PBK: variants seen among roughly 807,000 people sequenced by gnomAD.
The protein encoded by PBK is PDZ binding kinase.
PBK carries 22 observed loss-of-function variants against 33.5 expected under a neutral mutation model. That is an observed-to-expected ratio of 0.66 (90% CI 0.47 to 0.94). The LOEUF (loss-of-function observed/expected upper bound fraction) is 0.94. PBK is among the 40% of genes least tolerant of loss of function. PBK has a pLI of 0.00. For synonymous variants in PBK, 129 were observed against 123.8 expected (o/e 1.04, Z -0.28); for missense variants, 376 against 383.4 (o/e 0.98, Z 0.16).
At chr8:27,825,714 C>T (rs543414981) in intron 3 of PBK, among the ~76,000 whole-genome samples, 1 of 152,240 alleles carries the variant, frequency 6.6e-6, no homozygotes, top group East Asian at 1.9e-4. Context: ...ACATTTCTAG[C>T]ACTCCAAGAG....
At chr8:27,835,518 G>C (rs1441551092) in intron 1 of PBK, among the ~76,000 whole-genome samples, 7 of 151,738 alleles carry the variant, frequency 4.6e-5, no homozygotes, top group Non-Finnish European at 8.8e-5. Flanking sequence ...TTCCCCATGG[G>C]ATGCTGTGAT....
chr8:27,827,989 G>C (rs775007824), intron 3 of PBK, 116 bp downstream of exon 3: 5 of 572,926 alleles, frequency 8.7e-6, no homozygotes, highest in African/African-American at 3.8e-5. Context: ...CATCAGCCAG[G>C]ATCAGGAGCA....
chr8:27,822,521 T>C (rs748961466), intron 4 of PBK, 33 bp from the exon 5 acceptor site: 2 of 1,458,284 alleles, frequency 1.4e-6, no homozygotes, highest in East Asian at 4.6e-5. Flanking sequence ...TTCACTAATA[T>C]AGAGAAGAAC....
chr8:27,836,558 G>A (rs1282556552), intron 1 of PBK, among the ~76,000 whole-genome samples: 2 of 151,830 alleles, frequency 1.3e-5, no homozygotes, highest in East Asian at 1.9e-4. Flanking sequence ...GAAGAGGGGT[G>A]AGCCCTAGGG....
At chr8:27,821,157 A>C (rs1045006941) in intron 5 of PBK, among the ~76,000 whole-genome samples, 2 of 152,050 alleles carry the variant, frequency 1.3e-5, no homozygotes, top group Non-Finnish European at 2.9e-5. Flanking sequence ...AGAGAAGGGA[A>C]CATCCCATGT....
chr8:27,814,160 A>C (rs956159695), intron 6 of PBK, among the ~76,000 whole-genome samples: 2 of 152,196 alleles, frequency 1.3e-5, no homozygotes, highest in Non-Finnish European at 2.9e-5. Context: ...TATTTGGTAG[A>C]AATCAACAGT....
intron 1 of PBK, among the ~76,000 whole-genome samples, chr8:27,834,067 G>A (rs183481612): frequency 9.0e-5 from 13 of 144,148 alleles, no homozygotes; most frequent in Admixed American, 7.9e-4. Flanking sequence ...TCACTCTGTC[G>A]CCCAGGCTGG....
At position 27,823,141 on chromosome 8, in the gene PBK, G is replaced by C; in HGVS notation, c.217C>G (p.His73Asp). The change falls in exon 4 of 8, where the codon CAT becomes GAT. Residue 73 changes from histidine (H) to aspartate (D), a missense_variant. Physicochemically the swap from His to Asp is moderately conservative, Grantham distance 81. Coordinates refer to ENST00000301905, the MANE Select transcript of PBK (RefSeq NM_018492.4). ...VKKINPICND[H>D]YRSVYQKRLM... ...CTCTTTTGATACACACTTCGATAATGATCATTACATATAGGATTAATCTTT... is the reference window on the plus strand; with the variant it reads ...CTCTTTTGATACACACTTCGATAATCATCATTACATATAGGATTAATCTTT... The C allele has an allele frequency of 6.4e-7, 1 of 1,553,772 alleles. No individual in the cohort carries two copies. The highest frequency in any genetic ancestry group is 1.1e-5 in the South Asian group (1 of 89,096).
chr8:27,819,098 G>T (rs893465474), intron 6 of PBK, among the ~76,000 whole-genome samples: 1 of 151,986 alleles, frequency 6.6e-6, no homozygotes, highest in Admixed American at 6.6e-5. Context: ...TTTAATTACT[G>T]TAGCTTTATA....
intron 2 of PBK, among the ~76,000 whole-genome samples, chr8:27,830,087 C>T (rs921295543): frequency 7.9e-5 from 12 of 151,426 alleles, no homozygotes; most frequent in Middle Eastern, 3.4e-3. Flanking sequence ...CCTGTAATCC[C>T]GACTACTCGG....
intron 3 of PBK, among the ~76,000 whole-genome samples, chr8:27,825,737 A>AT (rs988444869): frequency 1.3e-5 from 2 of 152,198 alleles, no homozygotes; most frequent in African/African-American, 4.8e-5. Flanking sequence ...TAAAGATGCT[A>AT]TTTTTAAAAA....
chr8:27,811,237 T>C, intron 6 of PBK, 103 bp from the exon 7 acceptor site: 1 of 926,300 alleles, frequency 1.1e-6, no homozygotes, highest in South Asian at 1.3e-5. Flanking sequence ...AGTTCACAGG[T>C]TAATCAGTGT....
Position 27,820,669 on chromosome 8 carries a change from AGCAGTTTCTTTTCTTGGT to A in PBK, c.473_490del (p.His158_Leu163del), listed in dbSNP as rs746593288. The A allele has an allele frequency of 6.4e-7, 1 of 1,565,632 alleles. No individual in the cohort carries two copies. The highest frequency in any genetic ancestry group is 1.2e-5 in the South Asian group (1 of 86,444). ...ATTTGAAGACTTTATGTCTCCATGA[AGCAGTTTCTTTTCTTGGT>A]GCAGATACTAAAATAGTAAAAAATT... On this transcript the variant is annotated inframe_deletion, in exon 6 of 8. Transcript: ENST00000301905.
At chr8:27,815,447 A>G (rs4732763) in intron 6 of PBK, among the ~76,000 whole-genome samples, 23,948 of 152,128 alleles carry the variant, frequency 0.16, 2,391 homozygotes, top group East Asian at 0.37. Flanking sequence ...GAAGGTAGCC[A>G]TGGACATTAT....
intron 2 of PBK, among the ~76,000 whole-genome samples, chr8:27,831,756 T>C (rs1257464548): frequency 1.3e-5 from 2 of 152,272 alleles, no homozygotes; most frequent in East Asian, 3.9e-4. Flanking sequence ...ACCAGTACAT[T>C]TGAAAATTTA....
chr8:27,832,891 C>T (rs1445861625), intron 2 of PBK, among the ~76,000 whole-genome samples, 165 bp downstream of exon 2: 1 of 152,006 alleles, frequency 6.6e-6, no homozygotes, highest in Non-Finnish European at 1.5e-5. Flanking sequence ...ATGATCAAAC[C>T]GTGGCCTATA....
chr8:27,822,561 G>T, intron 4 of PBK, 73 bp from the exon 5 acceptor site: 2 of 989,840 alleles, frequency 2.0e-6, no homozygotes, highest in Non-Finnish European at 1.5e-6. Context: ...ATAGTAACGT[G>T]ATTGAAAATA....
intron 2 of PBK, 42 bp from the exon 3 acceptor site, chr8:27,828,240 AAAAT>A: frequency 1.1e-6 from 1 of 914,856 alleles, no homozygotes; most frequent in Non-Finnish European, 1.7e-6. Flanking sequence ...ATAAAAAATA[AAAAT>A]AAAGCATCTT....
At chr8:27,811,260 T>A (rs1805676700) in intron 6 of PBK, 126 bp from the exon 7 acceptor site, 1 of 749,068 alleles carries the variant, frequency 1.3e-6, no homozygotes, top group East Asian at 2.6e-5. Context: ...CCAGAAAATG[T>A]AAAAATACAC....
Sources: gnomAD v4.1 joint callset for allele counts (sites outside exome capture counted in the v4.1 genomes callset) on GRCh38, gnomAD v4.1.1 for gene constraint, MANE v1.5 for transcripts, NCBI Gene and HGNC (gene_info 2026-07-23, HGNC 2026-07-21) for gene names.